The following SPDEF variants were observed in gnomAD, a reference collection of about 807,000 sequenced individuals.
SPDEF encodes the protein SAM pointed domain containing ETS transcription factor.
A neutral mutation model predicts 36.0 loss-of-function variants in SPDEF; 12 were observed. That is an observed-to-expected ratio of 0.33 (90% CI 0.21 to 0.54). The LOEUF (loss-of-function observed/expected upper bound fraction) is 0.54, where lower values mean the gene tolerates loss of function less well. SPDEF is among the 20% of genes least tolerant of loss of function. SPDEF has a pLI of 0.93. For missense variants in SPDEF, 388 were observed against 456.9 expected (o/e 0.85, Z 1.37); for synonymous variants, 205 against 193.0 (o/e 1.06, Z -0.51).
chr6:34,538,123 G>A lies in SPDEF; in HGVS notation c.*151C>T, dbSNP rs1258596058. 1 of 784,718 alleles carries A rather than the reference G, an allele frequency of 1.3e-6. No individual in the cohort carries two copies. The highest frequency in any genetic ancestry group is 2.0e-6 in the Non-Finnish European group (1 of 500,882). 48.6% of individuals were successfully genotyped at this position (784,718 alleles called of 1,614,324 possible). A position where few individuals can be genotyped will look rare whatever the true frequency, so the allele number is the denominator to read the frequency against. ...GCCCCAGAGGACCCATATCCCCCTGGGGCAGTTGGTTGCCCCTCCCTGACC... is the reference window on the plus strand; with the variant it reads ...GCCCCAGAGGACCCATATCCCCCTGAGGCAGTTGGTTGCCCCTCCCTGACC... On this transcript the variant is annotated 3_prime_UTR_variant, in exon 6 of 6. Coordinates refer to ENST00000374037, the MANE Select transcript of SPDEF (RefSeq NM_012391.3). This position sits in a 1 kb window ranked among gnomAD's most constrained non-coding sequence, Gnocchi z 5.9.
chr6:34,542,744 G>T (rs1197610515), intron 2 of SPDEF, among the ~76,000 whole-genome samples: 3 of 152,068 alleles, frequency 2.0e-5, no homozygotes, highest in Non-Finnish European at 2.9e-5. Flanking sequence ...ATAAAAATTA[G>T]CAGGGTGTGG....
chr6:34,553,057 G>C (rs1768095943), intron 1 of SPDEF, among the ~76,000 whole-genome samples: 1 of 152,308 alleles, frequency 6.6e-6, no homozygotes, highest in East Asian at 1.9e-4. Context: ...GAGGGAGAAG[G>C]AGGGGGGTCT....
At position 34,555,006 on chromosome 6, in the gene SPDEF, G is replaced by T. The variant is rs1262671085; in HGVS notation, c.-30+923C>A. 6.6e-6 allele frequency among the ~76,000 whole-genome samples: 1 copy of T among 152,112 alleles called. No individual in the cohort carries two copies. Among genetic ancestry groups the T allele is most frequent in the Non-Finnish European group, 1.5e-5 (1 of 68,016 alleles). On this transcript the variant is annotated intron_variant, in intron 1 of 5. Coordinates refer to ENST00000374037, the MANE Select transcript of SPDEF (RefSeq NM_012391.3). This position sits in a 1 kb window ranked among gnomAD's most constrained non-coding sequence, Gnocchi z 5.2. ...TGTGGGCTGCTGGGCGGCCCCAGCT[G>T]ATAGGTGAGGTGAGGGATCTTGGCC...
At chr6:34,550,363 G>A (rs181450945) in intron 1 of SPDEF, among the ~76,000 whole-genome samples, 37 of 152,246 alleles carry the variant, frequency 2.4e-4, no homozygotes, top group African/African-American at 5.5e-4. Context: ...ACTTCTGCCC[G>A]CTGGACAGAC....
At chr6:34,548,322 G>T (rs1441760406) in intron 1 of SPDEF, among the ~76,000 whole-genome samples, 2 of 152,118 alleles carry the variant, frequency 1.3e-5, no homozygotes, top group Admixed American at 1.3e-4. Flanking sequence ...CTTCCTAGGG[G>T]ATCTGCCCAC....
chr6:34,539,344 G>A lies in SPDEF; in HGVS notation c.735C>T (p.Ser245=), dbSNP rs200580057. 4.7e-5 allele frequency: 76 copies of A among 1,613,812 alleles called. 1 individual carries two copies. The highest frequency in any genetic ancestry group is 4.5e-4 in the South Asian group (41 of 91,088). ...ACTGCCACAGGTGGATGGGCTGCCC[G>A]GAGCATGATGAGTCCACCTCGCTGT... ...WTDSEVDSSC[S]GQPIHLWQFL... The change falls in exon 5 of 6, where the codon TCC becomes TCT. Residue 245 remains serine, a synonymous_variant. Transcript: ENST00000374037. The surrounding 1 kb of genome is among the most constrained non-coding windows in gnomAD (Gnocchi z 5.2).
intron 1 of SPDEF, among the ~76,000 whole-genome samples, chr6:34,554,985 G>A (rs1307916437): frequency 6.6e-6 from 1 of 152,166 alleles, no homozygotes; most frequent in African/African-American, 2.4e-5. Flanking sequence ...CCTGGGTGTG[G>A]GCTGCTGGGC....
intron 3 of SPDEF, among the ~76,000 whole-genome samples, chr6:34,540,180 G>A (rs933611039): frequency 1.3e-5 from 2 of 152,074 alleles, no homozygotes; most frequent in Non-Finnish European, 2.9e-5. Context: ...TGCACCTGTA[G>A]ACTCAGCTAC....
chr6:34,540,914 C>G, intron 3 of SPDEF, 70 bp downstream of exon 3: 1 of 1,472,528 alleles, frequency 6.8e-7, no homozygotes, highest in Non-Finnish European at 9.3e-7. Context: ...CAGAGGGCAA[C>G]CTCCTAGCCA....
rs1451304443 is a variant in SPDEF, at chr6:34,544,197, G to T, written c.259C>A (p.Pro87Thr). ...APGASSREEP[P>T]EEPEQCPVID... The stretch of plus-strand genomic sequence containing the variant: ...ACCGGGCACTGCTCAGGCTCCTCAG[G>T]TGGCTCCTCCCGACTGCTGGCCCCA... Residue 87 changes from proline to threonine, a missense_variant, in exon 2 of 6, where the codon CCT (proline) becomes ACT (threonine). By Grantham distance (38) the Pro-to-Thr change is conservative (BLOSUM62 -1). Around this residue, in one of 2 missense-constraint regions of SPDEF, gnomAD observed 308 missense variants for 326.1 expected, o/e 0.94. Transcript: ENST00000374037. This position sits in a 1 kb window ranked among gnomAD's most constrained non-coding sequence, Gnocchi z 4.4. 1 of 1,613,762 alleles carries T rather than the reference G, an allele frequency of 6.2e-7. No individual in the cohort carries two copies. The highest frequency in any genetic ancestry group is 2.2e-5 in the East Asian group (1 of 44,894).
At chr6:34,543,699 A>G (rs1767876783) in intron 2 of SPDEF, among the ~76,000 whole-genome samples, 1 of 152,226 alleles carries the variant, frequency 6.6e-6, no homozygotes, top group South Asian at 2.1e-4. Flanking sequence ...AACAGCAAAC[A>G]GGCCAGTGTG....
rs546248896 is a variant in SPDEF, at chr6:34,538,556, G to T, written c.830-104C>A. 2.5e-6 allele frequency: 3 copies of T among 1,191,520 alleles called. No homozygotes were observed. In the Admixed American group the frequency reaches 6.6e-5, roughly 26 times the overall value. The allele number at this position is 1,191,520 out of a possible 1,614,324, so 73.8% of individuals were successfully genotyped here. A position where few individuals can be genotyped will look rare whatever the true frequency, so the allele number is the denominator to read the frequency against. The stretch of plus-strand genomic sequence containing the variant: ...GCCTCGTGGCGAACCAAGGGACCCC[G>T]TGCAGAGGCCTCCCCCTGCTCGGGT... On this transcript the variant is annotated intron_variant, in intron 5 of 5. Coordinates refer to ENST00000374037, the MANE Select transcript of SPDEF (RefSeq NM_012391.3). This position sits in a 1 kb window ranked among gnomAD's most constrained non-coding sequence, Gnocchi z 5.9.
chr6:34,538,112 A>G lies in SPDEF; in HGVS notation c.*162T>C, dbSNP rs1043121454. On this transcript the variant is annotated 3_prime_UTR_variant, in exon 6 of 6. Coordinates refer to ENST00000374037, the MANE Select transcript of SPDEF (RefSeq NM_012391.3). The surrounding 1 kb of genome is among the most constrained non-coding windows in gnomAD (Gnocchi z 5.9). ...GGGTCCCGAAGGCCCCAGAGGACCC[A>G]TATCCCCCTGGGGCAGTTGGTTGCC... 1.4e-6 allele frequency: 1 copy of G among 710,696 alleles called. No individual in the cohort carries two copies. The highest frequency in any genetic ancestry group is 2.3e-6 in the Non-Finnish European group (1 of 439,822). The allele number at this position is 710,696 out of a possible 1,614,324, so 44.0% of individuals were successfully genotyped here. A position where few individuals can be genotyped will look rare whatever the true frequency, so the allele number is the denominator to read the frequency against.
At chr6:34,547,410 C>A (rs1767977743) in intron 1 of SPDEF, among the ~76,000 whole-genome samples, 1 of 152,152 alleles carries the variant, frequency 6.6e-6, no homozygotes, top group African/African-American at 2.4e-5. Flanking sequence ...AGGTCTCGCT[C>A]TGTCGAGTGC....
intron 1 of SPDEF, among the ~76,000 whole-genome samples, chr6:34,550,798 G>T (rs1768042871): frequency 6.6e-6 from 1 of 152,192 alleles, no homozygotes. Flanking sequence ...GTAGCAGGAA[G>T]ACGGGGCACT....
At chr6:34,540,828 G>A (rs1767801944) in intron 3 of SPDEF, among the ~76,000 whole-genome samples, 156 bp downstream of exon 3, 1 of 152,114 alleles carries the variant, frequency 6.6e-6, no homozygotes, top group African/African-American at 2.4e-5. Flanking sequence ...AGTGCACCAG[G>A]ATCCAGGAGG....
chr6:34,554,553 G>T, intron 1 of SPDEF, among the ~76,000 whole-genome samples: 1 of 152,268 alleles, frequency 6.6e-6, no homozygotes, highest in Admixed American at 6.5e-5. Flanking sequence ...CAAAGGCGAG[G>T]GTGGGTCCCC....
In SPDEF at chr6:34,544,788, G is replaced by A. The variant is rs192689152; in HGVS notation, c.-29-304C>T. The stretch of plus-strand genomic sequence containing the variant: ...ACTGTGCTTAAAACAGCCTTCTGAG[G>A]TTCCTGACCTCATTCAGCCCTCACA... On this transcript the variant is annotated intron_variant, in intron 1 of 5. Transcript: ENST00000374037. The surrounding 1 kb of genome is among the most constrained non-coding windows in gnomAD (Gnocchi z 4.4). Among the ~76,000 whole-genome samples the A allele has an allele frequency of 9.9e-4, 151 of 152,340 alleles. No individual in the cohort carries two copies. Among genetic ancestry groups the A allele is most frequent in the Non-Finnish European group, 1.8e-3 (125 of 68,026 alleles).
In SPDEF at chr6:34,544,111, C is replaced by T. The variant is rs1767890280; in HGVS notation, c.345G>A (p.Glu115=). 1 of 1,613,764 alleles carries T rather than the reference C, an allele frequency of 6.2e-7. No individual in the cohort carries two copies. The highest frequency in any genetic ancestry group is 1.1e-5 in the South Asian group (1 of 91,064). ...LDLVPGGLTL[E]EHSLEQVQSM... The stretch of plus-strand genomic sequence containing the variant: ...ACTGCACCTGCTCCAGCGAGTGCTC[C>T]TCCAAGGTCAGCCCGCCGGGCACCA... Residue 115 remains glutamate (E), a synonymous_variant, in exon 2 of 6, where the codon GAG becomes GAA. Coordinates refer to ENST00000374037, the MANE Select transcript of SPDEF (RefSeq NM_012391.3). The surrounding 1 kb of genome is among the most constrained non-coding windows in gnomAD (Gnocchi z 4.4).
Sources: allele counts gnomAD v4.1 joint callset (sites outside exome capture counted in the v4.1 genomes callset), GRCh38; gene constraint gnomAD v4.1.1; regional missense constraint gnomAD v4.1.1; non-coding constraint Gnocchi (gnomAD v3.1); transcripts MANE v1.5; gene names NCBI Gene and HGNC (gene_info 2026-07-23, HGNC 2026-07-21).